Variants in ITGA9 observed in about 807,000 individuals in gnomAD.
The protein encoded by ITGA9 is integrin subunit alpha 9.
A neutral mutation model predicts 127.8 loss-of-function variants in ITGA9; 56 were observed. The ratio of observed to expected loss-of-function variants is 0.44; its 90% CI spans 0.35 to 0.55. ITGA9 has a LOEUF of 0.55. Ranked by LOEUF, ITGA9 falls within the 20% of genes least tolerant of loss-of-function variation. ITGA9 has a pLI of 0.00. For synonymous variants in ITGA9, 508 were observed against 514.5 expected (o/e 0.99, Z 0.17); for missense variants, 1,196 against 1,347.1 (o/e 0.89, Z 1.76).
chr3:37,812,576 T>A (rs145753721), intron 27 of ITGA9, among the ~76,000 whole-genome samples: 1 of 152,368 alleles, frequency 6.6e-6, no homozygotes, highest in African/African-American at 2.4e-5. Context: ...TTCTGGTTGC[T>A]TTTGGATACA....
At chr3:37,508,651 T>A in intron 8 of ITGA9, 24 bp downstream of exon 8, 1 of 1,587,748 alleles carries the variant, frequency 6.3e-7, no homozygotes, top group Non-Finnish European at 8.7e-7. Context: ...TATAAGTGAC[T>A]ATTTTTTATT....
At chr3:37,735,355 G>A (rs1293843490) in intron 19 of ITGA9, among the ~76,000 whole-genome samples, 1 of 151,968 alleles carries the variant, frequency 6.6e-6, no homozygotes, top group Non-Finnish European at 1.5e-5. Flanking sequence ...AAGCTGACCA[G>A]TCCCACAGCA....
At chr3:37,607,093 C>A (rs1413660150) in intron 15 of ITGA9, among the ~76,000 whole-genome samples, 4 of 151,368 alleles carry the variant, frequency 2.6e-5, no homozygotes, top group Non-Finnish European at 5.9e-5. Context: ...AGGGATCCTC[C>A]TGCCTCAGTC....
intron 17 of ITGA9, among the ~76,000 whole-genome samples, chr3:37,660,473 G>A (rs1450868755): frequency 6.6e-6 from 1 of 152,092 alleles, no homozygotes; most frequent in African/African-American, 2.4e-5. Context: ...CTATTGAATT[G>A]TGCTTTTCTT....
In ITGA9 at chr3:37,597,691, C is replaced by A. The variant is rs1174137108; in HGVS notation, c.1690-31496C>A. Among the ~76,000 whole-genome samples the A allele has an allele frequency of 6.6e-6, 1 of 152,150 alleles. No individual in the cohort carries two copies. The highest frequency in any genetic ancestry group is 1.9e-4 in the East Asian group (1 of 5,200). ...TGGAGTCTATTTCAGTTATGTGTTACAATAATAATGCTGCAGAACAAACTC... is the reference window on the plus strand; with the variant it reads ...TGGAGTCTATTTCAGTTATGTGTTAAAATAATAATGCTGCAGAACAAACTC... On this transcript the variant is annotated intron_variant, in intron 15 of 27. Transcript: ENST00000264741. The surrounding 1 kb of genome is among the most constrained non-coding windows in gnomAD (Gnocchi z 4.6).
At chr3:37,523,491 G>A in intron 11 of ITGA9, 30 bp from the exon 12 acceptor site, 1 of 1,553,044 alleles carries the variant, frequency 6.4e-7, no homozygotes, top group African/African-American at 1.4e-5. Context: ...GTCTTTTCCT[G>A]TGACTCCATT....
intron 1 of ITGA9, among the ~76,000 whole-genome samples, chr3:37,458,269 T>C (rs1698281585): frequency 1.3e-5 from 2 of 152,188 alleles, no homozygotes; most frequent in South Asian, 4.1e-4. Context: ...GAGAGATCAA[T>C]GCACATTCAC....
At chr3:37,708,713 T>C (rs1231180312) in intron 18 of ITGA9, among the ~76,000 whole-genome samples, 4 of 182 alleles carry the variant, frequency 0.022, no homozygotes, top group Admixed American at 0.1. Flanking sequence ...GCCAACAGCA[T>C]TGAGGCTGAG....
intron 15 of ITGA9, among the ~76,000 whole-genome samples, chr3:37,550,047 T>A (rs1699364150): frequency 6.6e-6 from 1 of 152,188 alleles, no homozygotes; most frequent in Admixed American, 6.5e-5. Context: ...ACATGTGAGA[T>A]AGTTACTGTT....
At chr3:37,805,067 C>CT (rs11442951) in intron 27 of ITGA9, among the ~76,000 whole-genome samples, 22,675 of 146,474 alleles carry the variant, frequency 0.15, 3,576 homozygotes, top group African/African-American at 0.41. Flanking sequence ...CAGTGGGTTC[C>CT]TTTTTTTTTT....
chr3:37,638,687 A>G lies in ITGA9; in HGVS notation c.1839+9351A>G, dbSNP rs114151708. 8.8e-3 allele frequency among the ~76,000 whole-genome samples: 1,341 copies of G among 152,254 alleles called. 23 individuals are homozygous for G. The highest frequency in any genetic ancestry group is 0.031 in the African/African-American group (1,286 of 41,518). On this transcript the variant is annotated intron_variant, in intron 16 of 27. Transcript: ENST00000264741. Reference sequence around the variant, plus strand: ...GGGTTCCACTACTTTAAATGCCTTGATCTCTTCACTGAGCCCATGTTGGTA... The same window carrying G: ...GGGTTCCACTACTTTAAATGCCTTGGTCTCTTCACTGAGCCCATGTTGGTA...
At chr3:37,649,498 A>G (rs943693485) in intron 16 of ITGA9, among the ~76,000 whole-genome samples, 8 of 152,040 alleles carry the variant, frequency 5.3e-5, no homozygotes, top group Non-Finnish European at 8.8e-5. Context: ...TTTCTTAATG[A>G]CAAAGGGTCA....
intron 14 of ITGA9, among the ~76,000 whole-genome samples, chr3:37,541,588 G>A (rs1163119037): frequency 1.3e-5 from 2 of 151,906 alleles, no homozygotes; most frequent in African/African-American, 4.8e-5. Context: ...TCAAGACTGT[G>A]TTACAAAAGT....
chr3:37,541,665 C>T (rs560353078), intron 14 of ITGA9, among the ~76,000 whole-genome samples: 1 of 152,174 alleles, frequency 6.6e-6, no homozygotes, highest in Non-Finnish European at 1.5e-5. Context: ...GACCTCAGTA[C>T]AGGCCCTACC....
At chr3:37,815,003 G>A (rs952906103) in intron 27 of ITGA9, among the ~76,000 whole-genome samples, 3 of 152,214 alleles carry the variant, frequency 2.0e-5, no homozygotes, top group African/African-American at 4.8e-5. Context: ...CAGTGTTAGA[G>A]TGGGGCATAG....
chr3:37,613,893 A>G (rs953161134), intron 15 of ITGA9, among the ~76,000 whole-genome samples: 2 of 151,874 alleles, frequency 1.3e-5, no homozygotes, highest in Non-Finnish European at 2.9e-5. Context: ...GATTGCAAAA[A>G]TTTTCTCCCA....
Position 37,523,597 on chromosome 3 carries a change from G to A in ITGA9, c.1313G>A (p.Gly438Glu). 6.2e-7 allele frequency: 1 copy of A among 1,612,284 alleles called. No individual in the cohort carries two copies. Among genetic ancestry groups the A allele is most frequent in the Non-Finnish European group, 8.5e-7 (1 of 1,178,386 alleles). ...ATATCGGGAGGCATTGATATGGATGGAAATGGCTATCCTGGTAAGCTGTTT... is the reference window on the plus strand; with the variant it reads ...ATATCGGGAGGCATTGATATGGATGAAAATGGCTATCCTGGTAAGCTGTTT... ...QSISGGIDMD[G>E]NGYPDVTVGA... Residue 438 changes from glycine to glutamate, a missense_variant, in exon 12 of 28, where the codon GGA becomes GAA. Physicochemically the swap from Gly to Glu is moderately conservative, Grantham distance 98 (BLOSUM62 -2). Transcript: ENST00000264741.
intron 18 of ITGA9, among the ~76,000 whole-genome samples, chr3:37,685,228 C>T (rs1471986097): frequency 6.6e-6 from 1 of 152,152 alleles, no homozygotes; most frequent in Non-Finnish European, 1.5e-5. Context: ...ATAGTGTTGA[C>T]AGGTTTGTGC....
chr3:37,517,640 C>T, intron 10 of ITGA9, 31 bp downstream of exon 10: 2 of 1,463,490 alleles, frequency 1.4e-6, no homozygotes, highest in East Asian at 2.4e-5. Flanking sequence ...CACGGAGCCC[C>T]TCCAGGTGCA....
Sources: gnomAD v4.1 joint callset for allele counts (sites outside exome capture counted in the v4.1 genomes callset) on GRCh38, gnomAD v4.1.1 for gene constraint, Gnocchi (gnomAD v3.1) non-coding constraint, MANE v1.5 for transcripts, NCBI Gene and HGNC (gene_info 2026-07-23, HGNC 2026-07-21) for gene names.